Variants in RAD21 observed in about 807,000 individuals in gnomAD.
The protein encoded by RAD21 is double-strand-break repair protein rad21 homolog.
RAD21 carries 18 observed loss-of-function variants against 71.5 expected under a neutral mutation model. The ratio of observed to expected loss-of-function variants is 0.25; its 90% CI spans 0.17 to 0.37. The LOEUF is 0.37. Ranked by LOEUF, RAD21 falls within the 10% of genes least tolerant of loss-of-function variation. The probability of loss-of-function intolerance (pLI) is 1.00; values close to 1 mark genes in which losing one functional copy is unlikely to be tolerated. For missense variants in RAD21, 493 were observed against 769.1 expected, an observed-to-expected ratio of 0.64 and a Z score of 4.25; for synonymous variants, 248 against 254.0, an observed-to-expected ratio of 0.98 and a Z score of 0.22.
At chr8:116,850,881 A>G (rs957032598) in intron 11 of RAD21, 114 bp from the exon 12 acceptor site, 12 of 668,920 alleles carry the variant, frequency 1.8e-5, no homozygotes, top group Middle Eastern at 4.2e-4. Flanking sequence ...TACTGAGATT[A>G]TATCTCTATA....
In RAD21 at chr8:116,851,156, G is replaced by C. The variant is rs149501407; in HGVS notation, c.1471-389C>G. On this transcript the variant is annotated intron_variant, in intron 11 of 13. Transcript: ENST00000297338. The stretch of plus-strand genomic sequence containing the variant: ...ATAGGAGTGAGGACATTGCTTTTCT[G>C]GGTCCACTTCCTATATCTTCTCTCA... 181 of 154,800 alleles carry C rather than the reference G, an allele frequency of 1.2e-3. 1 individual carries two copies. Among genetic ancestry groups the C allele is most frequent in the Non-Finnish European group, 2.3e-4 (16 of 69,824 alleles). The allele number at this position is 154,800 out of a possible 1,614,324, so 9.6% of individuals were successfully genotyped here.
intron 8 of RAD21, among the ~76,000 whole-genome samples, chr8:116,855,077 T>G (rs1173202460): frequency 1.3e-5 from 2 of 152,076 alleles, no homozygotes; most frequent in East Asian, 1.9e-4. Flanking sequence ...TGGGGTTAAA[T>G]AAAATCCTCA....
intron 3 of RAD21, among the ~76,000 whole-genome samples, chr8:116,862,749 GAA>G (rs1314531217): frequency 6.6e-6 from 1 of 151,870 alleles, no homozygotes; most frequent in Non-Finnish European, 1.5e-5. Context: ...ATTTACTTAG[GAA>G]AAAAAGTTTA....
In RAD21 at chr8:116,855,748, C is replaced by T. The variant is rs16888921; in HGVS notation, c.937+418G>A. Among the ~76,000 whole-genome samples, 511 of 151,964 alleles carry T rather than the reference C, an allele frequency of 3.4e-3. 5 individuals are homozygous for T. Among genetic ancestry groups the T allele is most frequent in the African/African-American group, 0.012 (477 of 41,458 alleles). ...AGAATACTTTTAGTTTTTTCCAGCT[C>T]GTAGACCAACTGCACAGCATTTAGA... On this transcript the variant is annotated intron_variant, in intron 8 of 13. Transcript: ENST00000297338.
intron 2 of RAD21, among the ~76,000 whole-genome samples, chr8:116,865,087 T>C (rs1367076465): frequency 1.3e-5 from 2 of 152,186 alleles, no homozygotes; most frequent in East Asian, 1.9e-4. Flanking sequence ...GAAATATCTT[T>C]ACATCCTGTT....
intron 13 of RAD21, 95 bp downstream of exon 13, chr8:116,848,851 G>A (rs1036553280): frequency 3.4e-6 from 3 of 893,204 alleles, no homozygotes; most frequent in Non-Finnish European, 5.0e-6. Context: ...ACAAAGGTAT[G>A]CTTTCTGTTT....
intron 4 of RAD21, among the ~76,000 whole-genome samples, chr8:116,859,343 A>G (rs1173209555): frequency 6.6e-6 from 1 of 152,046 alleles, no homozygotes; most frequent in Non-Finnish European, 1.5e-5. Context: ...GCTATTTAAA[A>G]ATTTTTCATT....
chr8:116,857,244 G>T, intron 6 of RAD21, 23 bp downstream of exon 6: 1 of 1,580,928 alleles, frequency 6.3e-7, no homozygotes, highest in Non-Finnish European at 8.7e-7. Flanking sequence ...GTTTATGCTG[G>T]AATAACCATC....
chr8:116,869,965 T>C (rs1563694980), intron 1 of RAD21, among the ~76,000 whole-genome samples: 1 of 152,232 alleles, frequency 6.6e-6, no homozygotes, highest in Non-Finnish European at 1.5e-5. Flanking sequence ...ATATTTTAGT[T>C]ACGCGTATCA....
rs1812420174 is a variant in RAD21, at chr8:116,854,365, A to G, written c.1041T>C (p.Ile347=). Residue 347 remains isoleucine (I), a synonymous_variant, in exon 9 of 14, where the codon ATT becomes ATC. Transcript: ENST00000297338. ...GCGGTGCCAGATCCAAAGTAGTAAC[A>G]ATATCTGAATAATCACTAAGTTGGG... ...IRAQLSDYSD[I]VTTLDLAPPT... 3 of 1,613,782 alleles carry G rather than the reference A, an allele frequency of 1.9e-6. No individual in the cohort carries two copies. The highest frequency in any genetic ancestry group is 2.7e-5 in the African/African-American group (2 of 74,892).
chr8:116,874,078 C>T (rs930910880), intron 1 of RAD21: 1 of 151,622 alleles, frequency 6.6e-6, no homozygotes, highest in African/African-American at 2.4e-5. Flanking sequence ...CGCCCCACCC[C>T]GCCCAGCCCC....
intron 4 of RAD21, among the ~76,000 whole-genome samples, chr8:116,859,656 C>A (rs1812546481): frequency 6.6e-6 from 1 of 152,028 alleles, no homozygotes; most frequent in Non-Finnish European, 1.5e-5. Flanking sequence ...TCCTGCCCTC[C>A]CCCACCCCCG....
chr8:116,856,693 G>C lies in RAD21; in HGVS notation c.767C>G (p.Pro256Arg). ...CATATCGTCATGTGCAGGCTGCTCTGGCAACATCACCCCTGCCTCAGAGAG... is the reference window on the plus strand; with the variant it reads ...CATATCGTCATGTGCAGGCTGCTCTCGCAACATCACCCCTGCCTCAGAGAG... Reference protein sequence around the residue: ...PALSEAGVMLPEQPAHDDMDE... With the variant: ...PALSEAGVMLREQPAHDDMDE... Residue 256 changes from proline (P) to arginine (R), a missense_variant, in exon 7 of 14, where the codon CCA becomes CGA. By Grantham distance (103) the Pro-to-Arg change is moderately radical. This residue lies in a region of RAD21 where 165 missense variants were observed against 229.6 expected (regional missense o/e 0.72). Coordinates refer to ENST00000297338, the MANE Select transcript of RAD21 (RefSeq NM_006265.3). 1 of 1,594,640 alleles carries C rather than the reference G, an allele frequency of 6.3e-7. No homozygotes were observed. The highest frequency in any genetic ancestry group is 8.5e-7 in the Non-Finnish European group (1 of 1,170,102).
chr8:116,849,661 T>C (rs1336293895), intron 12 of RAD21, among the ~76,000 whole-genome samples: 2 of 152,204 alleles, frequency 1.3e-5, no homozygotes, highest in Admixed American at 1.3e-4. Flanking sequence ...GCAGTTGTGA[T>C]GTTCCCAGGC....
In RAD21 at chr8:116,850,741, T is replaced by C. The variant is rs1390364674; in HGVS notation, c.1497A>G (p.Ile499Met). Residue 499 changes from isoleucine (I) to methionine (M), a missense_variant, in exon 12 of 14, where the codon ATA becomes ATG. Physicochemically the swap from Ile to Met is conservative, Grantham distance 10 (BLOSUM62 1). Coordinates refer to ENST00000297338, the MANE Select transcript of RAD21 (RefSeq NM_006265.3). ...MPPQQVEQME[I>M]PPVELPPEEP... The stretch of plus-strand genomic sequence containing the variant: ...CTTCTGGGGGAAGCTCTACAGGTGG[T>C]ATTTCCATCTGCTCTACCTGCTGAG... 4.3e-6 allele frequency: 7 copies of C among 1,611,154 alleles called. No homozygotes were observed. In the South Asian group the frequency reaches 4.4e-5, roughly 10 times the overall value.
chr8:116,853,458 T>G (rs1161882470), intron 9 of RAD21, among the ~76,000 whole-genome samples: 3 of 152,178 alleles, frequency 2.0e-5, no homozygotes, highest in African/African-American at 7.2e-5. Context: ...GGCTTCTCTC[T>G]TTTTAAACTG....
chr8:116,852,205 T>A, intron 10 of RAD21, 109 bp from the exon 11 acceptor site: 1 of 1,054,796 alleles, frequency 9.5e-7, no homozygotes, highest in Non-Finnish European at 1.3e-6. Flanking sequence ...ATGCTTTCTT[T>A]AATGAAGAAG....
At chr8:116,849,144 A>G (rs539537210) in intron 12 of RAD21, 115 bp from the exon 13 acceptor site, 22 of 655,736 alleles carry the variant, frequency 3.4e-5, no homozygotes, top group Non-Finnish European at 5.1e-5. Context: ...TTGAACTAAT[A>G]GAAAACTGTA....
At chr8:116,865,257 C>T (rs1290146475) in intron 2 of RAD21, among the ~76,000 whole-genome samples, 2 of 152,066 alleles carry the variant, frequency 1.3e-5, no homozygotes. Flanking sequence ...GTCTCATACT[C>T]GTTTGTAGTG....
Sources: allele counts gnomAD v4.1 joint callset (sites outside exome capture counted in the v4.1 genomes callset), GRCh38; gene constraint gnomAD v4.1.1; regional missense constraint gnomAD v4.1.1; transcripts MANE v1.5; gene names NCBI Gene and HGNC (gene_info 2026-07-23, HGNC 2026-07-21).